The following WDR43 variants were observed in gnomAD, a reference collection of about 807,000 sequenced individuals.
WDR43 encodes the protein WD repeat domain 43, also known as WD repeat-containing protein 43.
In WDR43, 13 loss-of-function variants were observed where a neutral mutation model predicts 91.4. That is an observed-to-expected ratio of 0.14 (90% CI 0.09 to 0.23). The LOEUF is 0.23. WDR43 is among the 10% of genes least tolerant of loss of function. The pLI is 1.00. For missense variants in WDR43, 780 were observed against 809.4 expected, an observed-to-expected ratio of 0.96 and a Z score of 0.44; for synonymous variants, 331 against 287.9, an observed-to-expected ratio of 1.15 and a Z score of -1.51.
At chr2:28,925,184 T>C (rs764396331) in intron 8 of WDR43, 31 bp downstream of exon 8, 1 of 1,575,676 alleles carries the variant, frequency 6.3e-7, no homozygotes, top group Non-Finnish European at 8.6e-7. Flanking sequence ...AGTAAAGCAA[T>C]ATAGCATCCC....
intron 11 of WDR43, among the ~76,000 whole-genome samples, chr2:28,930,804 G>A (rs141530860): frequency 6.6e-6 from 1 of 152,152 alleles, no homozygotes; most frequent in East Asian, 1.9e-4. Flanking sequence ...GGACCATCAC[G>A]AACTCATTAC....
chr2:28,921,500 G>C (rs1295792907), intron 6 of WDR43, among the ~76,000 whole-genome samples: 1 of 152,258 alleles, frequency 6.6e-6, no homozygotes, highest in Admixed American at 6.5e-5. Context: ...GGCACTTCAT[G>C]TAAGATTGTA....
intron 1 of WDR43, among the ~76,000 whole-genome samples, chr2:28,897,085 C>T (rs773448636): frequency 7.2e-5 from 11 of 152,046 alleles, no homozygotes; most frequent in Non-Finnish European, 1.6e-4. Context: ...TCAAGTGCCC[C>T]GATTTTGTTA....
intron 16 of WDR43, among the ~76,000 whole-genome samples, chr2:28,944,336 T>A (rs1418935146): frequency 6.6e-6 from 1 of 152,204 alleles, no homozygotes; most frequent in Non-Finnish European, 1.5e-5. Flanking sequence ...GTAAACAGAT[T>A]AAATATTCTT....
intron 4 of WDR43, among the ~76,000 whole-genome samples, chr2:28,913,034 G>A (rs1367945170): frequency 7.1e-6 from 1 of 141,830 alleles, no homozygotes; most frequent in African/African-American, 2.7e-5. Flanking sequence ...CTCACTGCAA[G>A]CTCCGCCTCC....
At chr2:28,926,617 T>G (rs895631164) in intron 9 of WDR43, 63 bp downstream of exon 9, 2 of 1,349,192 alleles carry the variant, frequency 1.5e-6, no homozygotes, top group African/African-American at 1.5e-5. Flanking sequence ...AATGGAACTG[T>G]TACTTAGTAT....
rs146949222 is a variant in WDR43 at position 28,906,595 on chromosome 2, A to C, written c.485+14A>C. On this transcript the variant is annotated intron_variant, in intron 3 of 17. Coordinates refer to ENST00000407426, the MANE Select transcript of WDR43 (RefSeq NM_015131.3). ...CAAAGTAAAGTGGTGAGTAACATTCATGGTATCAGGAAATGCAATAGACGT... is the reference window on the plus strand; with the variant it reads ...CAAAGTAAAGTGGTGAGTAACATTCCTGGTATCAGGAAATGCAATAGACGT... The C allele has an allele frequency of 6.2e-7, 1 of 1,608,832 alleles. No homozygotes were observed. Among genetic ancestry groups the C allele is most frequent in the African/African-American group, 1.3e-5 (1 of 74,874 alleles).
chr2:28,946,862 C>T lies in WDR43; in HGVS notation c.*83C>T. ...GAGGGCTGCCTCTGTGCCAGGATGC[C>T]AAGGACCGCTGCACATTTCCAAATT... On this transcript the variant is annotated 3_prime_UTR_variant, in exon 18 of 18. Coordinates refer to ENST00000407426, the MANE Select transcript of WDR43 (RefSeq NM_015131.3). 7.0e-7 allele frequency: 1 copy of T among 1,428,416 alleles called. No individual in the cohort carries two copies. The highest frequency in any genetic ancestry group is 9.2e-7 in the Non-Finnish European group (1 of 1,086,304). The allele number at this position is 1,428,416 out of a possible 1,614,324, so 88.5% of individuals were successfully genotyped here.
intron 1 of WDR43, chr2:28,895,306 C>T (rs924772914): frequency 1.6e-5 from 3 of 184,798 alleles, no homozygotes; most frequent in Non-Finnish European, 2.2e-5. Context: ...GACTATCTAA[C>T]TTTCCTCTGT....
chr2:28,934,972 A>G (rs1225057164), intron 11 of WDR43, among the ~76,000 whole-genome samples: 1 of 152,152 alleles, frequency 6.6e-6, no homozygotes, highest in Non-Finnish European at 1.5e-5. Flanking sequence ...CAGGACCGGA[A>G]CTGATCTGCT....
chr2:28,909,864 C>T (rs570436593), intron 3 of WDR43, among the ~76,000 whole-genome samples: 2 of 152,234 alleles, frequency 1.3e-5, no homozygotes, highest in Non-Finnish European at 2.9e-5. Flanking sequence ...CACAGTGAGA[C>T]CCTGTTTGGG....
intron 2 of WDR43, chr2:28,904,959 C>T (rs1055108268): frequency 2.0e-5 from 3 of 152,124 alleles, no homozygotes; most frequent in African/African-American, 7.2e-5. Context: ...GGAGAGATGT[C>T]ACAAGATAGC....
In WDR43 at chr2:28,948,081, G is replaced by A. The variant is rs1671585024; in HGVS notation, c.*1302G>A. 6.6e-6 allele frequency: 1 copy of A among 152,050 alleles called. No individual in the cohort carries two copies. The highest frequency in any genetic ancestry group is 6.6e-5 in the Admixed American group (1 of 15,260). 9.4% of individuals were successfully genotyped at this position (152,050 alleles called of 1,614,324 possible). The stretch of plus-strand genomic sequence containing the variant: ...TTGTGTGCTCATCTTAAGAGCCAGA[G>A]CCATATAAGCATCTTGGGAAAGCAA... On this transcript the variant is annotated 3_prime_UTR_variant, in exon 18 of 18. Transcript: ENST00000407426.
intron 5 of WDR43, among the ~76,000 whole-genome samples, chr2:28,914,801 C>T (rs556816047): frequency 3.9e-5 from 6 of 152,136 alleles, no homozygotes; most frequent in South Asian, 2.1e-4. Flanking sequence ...TGGTGGCGCA[C>T]GCCTGTAGTC....
At chr2:28,922,685 A>G (rs951078280) in intron 6 of WDR43, among the ~76,000 whole-genome samples, 2 of 152,052 alleles carry the variant, frequency 1.3e-5, no homozygotes, top group East Asian at 3.8e-4. Context: ...TGGAGGGCTC[A>G]TTCTCCTTGA....
At position 28,942,396 on chromosome 2, in the gene WDR43, A is replaced by AATGG; in HGVS notation, c.1804+16_1804+19dup. 6.2e-7 allele frequency: 1 copy of AATGG among 1,609,968 alleles called. No individual in the cohort carries two copies. Among genetic ancestry groups the AATGG allele is most frequent in the Non-Finnish European group, 8.5e-7 (1 of 1,177,120 alleles). On this transcript the variant is annotated intron_variant, in intron 16 of 17. Transcript: ENST00000407426. ...GTATGAAGAAGGTAAAGACTGGGGG[A>AATGG]ATGGGATGGAGTCTAGAATTATAAC... is the stretch of plus-strand genomic sequence containing the variant.
rs59792802 is a variant in WDR43, at chr2:28,916,613, G to A, written c.747-1280G>A. Among the ~76,000 whole-genome samples, 444 of 151,720 alleles carry A rather than the reference G, an allele frequency of 2.9e-3. 3 individuals are homozygous for A. The highest frequency in any genetic ancestry group is 0.01 in the African/African-American group (416 of 41,374). ...CATATACCTCTCCCCCTATAACCCC[G>A]AACACCTACACACACCCACACATCC... is the stretch of plus-strand genomic sequence containing the variant. On this transcript the variant is annotated intron_variant, in intron 5 of 17. Transcript: ENST00000407426.
At chr2:28,899,751 A>G (rs1270828041) in intron 1 of WDR43, among the ~76,000 whole-genome samples, 2 of 152,210 alleles carry the variant, frequency 1.3e-5, no homozygotes, top group Admixed American at 6.5e-5. Context: ...ATTAAAATGT[A>G]CATTGGTTAT....
Position 28,912,348 on chromosome 2 carries a change from A to G in WDR43, c.486-242A>G, listed in dbSNP as rs111247032. 1.7e-3 allele frequency among the ~76,000 whole-genome samples: 260 copies of G among 152,294 alleles called. 2 individuals carry two copies. Among genetic ancestry groups the G allele is most frequent in the Non-Finnish European group, 2.8e-3 (188 of 68,016 alleles). ...ACTCATTTTCTGATACTTGTTGAGA[A>G]TCTTTATCCCATGCCTGCCAAAGGG... On this transcript the variant is annotated intron_variant, in intron 3 of 17. Transcript: ENST00000407426.
Sources: gnomAD v4.1 joint callset for allele counts (sites outside exome capture counted in the v4.1 genomes callset) on GRCh38, gnomAD v4.1.1 for gene constraint, MANE v1.5 for transcripts, NCBI Gene and HGNC (gene_info 2026-07-23, HGNC 2026-07-21) for gene names.